The following CPO variants were observed in gnomAD, a reference collection of about 807,000 sequenced individuals.
CPO encodes carboxypeptidase O, also known as metallocarboxypeptidase C.
In CPO, 43 loss-of-function variants were observed where a neutral mutation model predicts 41.2. The observed-to-expected ratio is 1.04, with a 90% CI of 0.82 to 1.35. The LOEUF (loss-of-function observed/expected upper bound fraction) is 1.35, where lower values mean the gene tolerates loss of function less well. Among genes scored for constraint, CPO ranks in the 40% most tolerant of loss-of-function variants. CPO has a pLI of 0.00. For synonymous variants in CPO, 178 were observed against 162.7 expected (o/e 1.09, Z -0.72); for missense variants, 408 against 451.7 (o/e 0.90, Z 0.88).
At chr2:206,956,895 T>C (rs575762128) in intron 3 of CPO, among the ~76,000 whole-genome samples, 2 of 152,338 alleles carry the variant, frequency 1.3e-5, no homozygotes. Flanking sequence ...GTATTAAGCA[T>C]GGGCCACCTG....
At chr2:206,961,088 C>T in intron 6 of CPO, 146 bp downstream of exon 6, 2 of 643,476 alleles carry the variant, frequency 3.1e-6, no homozygotes, top group Admixed American at 5.1e-5. Context: ...TTCCCTCTAA[C>T]AGGATAATAT....
chr2:206,945,623 G>A (rs1297118647), intron 1 of CPO, among the ~76,000 whole-genome samples: 1 of 152,136 alleles, frequency 6.6e-6, no homozygotes, highest in African/African-American at 2.4e-5. Context: ...GTTGTAGTGA[G>A]AATAAAATTA....
At position 206,962,534 on chromosome 2, in the gene CPO, C is replaced by T. The variant is rs1693500540; in HGVS notation, c.697C>T (p.Leu233=). ...ESKKDDILCF[L]TMHSYGQLIL... ...CAAGAAGGATGATATTTTGTGCTTC[C>T]TGACCATGCACTCTTATGGGCAGTT... The change falls in exon 7 of 9, where the codon CTG becomes TTG. Residue 233 remains leucine (L), a synonymous_variant. Coordinates refer to ENST00000272852, the MANE Select transcript of CPO (RefSeq NM_173077.3). 1 of 1,614,056 alleles carries T rather than the reference C, an allele frequency of 6.2e-7. No individual in the cohort carries two copies. Among genetic ancestry groups the T allele is most frequent in the African/African-American group, 1.3e-5 (1 of 74,924 alleles).
chr2:206,967,348 T>TAG (rs1553512794), intron 7 of CPO, among the ~76,000 whole-genome samples: 5 of 110,242 alleles, frequency 4.5e-5, no homozygotes, highest in African/African-American at 1.6e-4. Context: ...TATATATATA[T>TAG]ATAGATATAT....
At chr2:206,953,351 C>T (rs749855240) in intron 2 of CPO, among the ~76,000 whole-genome samples, 1 of 152,224 alleles carries the variant, frequency 6.6e-6, no homozygotes, top group African/African-American at 2.4e-5. Context: ...GGTAAATACA[C>T]CCATTCCAAA....
chr2:206,961,919 CA>C, intron 6 of CPO, among the ~76,000 whole-genome samples: 1 of 151,068 alleles, frequency 6.6e-6, no homozygotes, highest in Non-Finnish European at 1.5e-5. Context: ...AGTGAAACCC[CA>C]TCTCTACTAA....
chr2:206,949,692 C>T lies in CPO; in HGVS notation c.144C>T (p.Asn48=), dbSNP rs1378469832. ...GGAGCCTGGAGACGTATTCCTATAA[C>T]ATATACCACCCCATGGGAGAGGTAA... ...SPWSLETYSY[N]IYHPMGEIYE... Residue 48 remains asparagine, a synonymous_variant, in exon 2 of 9, where the codon AAC becomes AAT. Coordinates refer to ENST00000272852, the MANE Select transcript of CPO (RefSeq NM_173077.3). 1.2e-5 allele frequency: 19 copies of T among 1,611,282 alleles called. No individual in the cohort carries two copies. Among genetic ancestry groups the T allele is most frequent in the Non-Finnish European group, 1.6e-5 (19 of 1,177,590 alleles).
intron 4 of CPO, 96 bp from the exon 5 acceptor site, chr2:206,959,535 G>A: frequency 1.5e-6 from 1 of 665,394 alleles, no homozygotes; most frequent in South Asian, 1.8e-5. Context: ...GAGGTGTGAT[G>A]TACAGTCACC....
rs150823152 is a variant in CPO at position 206,955,501 on chromosome 2, G to T, written c.204G>T (p.Lys68Asn). 6.2e-7 allele frequency: 1 copy of T among 1,611,732 alleles called. No individual in the cohort carries two copies. Among genetic ancestry groups the T allele is most frequent in the Non-Finnish European group, 8.5e-7 (1 of 1,177,782 alleles). The change falls in exon 3 of 9, where the codon AAG becomes AAT. Residue 68 changes from lysine to asparagine, a missense_variant. Transcript: ENST00000272852. Reference sequence around the variant, plus strand: ...TGAGAGAGATCAGTGAGAAGTACAAGGAAGTGGTGACACAGCATTTCCTAG... The same window carrying T: ...TGAGAGAGATCAGTGAGAAGTACAATGAAGTGGTGACACAGCATTTCCTAG... ...EWMREISEKYKEVVTQHFLGV... is the reference protein window; with the variant it reads ...EWMREISEKYNEVVTQHFLGV...
At chr2:206,946,862 G>C (rs370248376) in intron 1 of CPO, among the ~76,000 whole-genome samples, 1 of 151,982 alleles carries the variant, frequency 6.6e-6, no homozygotes, top group Non-Finnish European at 1.5e-5. Context: ...ATTTACATTA[G>C]CACCCCTCAA....
chr2:206,955,368 G>C, intron 2 of CPO, 95 bp from the exon 3 acceptor site: 2 of 789,192 alleles, frequency 2.5e-6, no homozygotes, highest in Non-Finnish European at 4.6e-6. Flanking sequence ...AAAGATAACA[G>C]AGTTCAATGT....
rs35875442 is a variant in CPO, at chr2:206,961,498, G to A, written c.574+556G>A. On this transcript the variant is annotated intron_variant, in intron 6 of 8. Coordinates refer to ENST00000272852, the MANE Select transcript of CPO (RefSeq NM_173077.3). ...TCTCTCTGCTTTAGTTTTCTTTTAC[G>A]TAAAATGTGAGCCACAGTAGCCCTA... 2.9e-3 allele frequency among the ~76,000 whole-genome samples: 436 copies of A among 152,196 alleles called. 1 individual carries two copies. Among genetic ancestry groups the A allele is most frequent in the Non-Finnish European group, 5.2e-3 (352 of 68,010 alleles).
chr2:206,966,394 A>G (rs1012364517), intron 7 of CPO, among the ~76,000 whole-genome samples: 1 of 152,178 alleles, frequency 6.6e-6, no homozygotes, highest in Admixed American at 6.5e-5. Flanking sequence ...AGCAATTCGT[A>G]TCTCTGCTAG....
intron 4 of CPO, among the ~76,000 whole-genome samples, chr2:206,958,998 C>G (rs1693428954): frequency 6.6e-6 from 1 of 151,948 alleles, no homozygotes; most frequent in Non-Finnish European, 1.5e-5. Flanking sequence ...ACCTCGGTCT[C>G]CCAAAGTGCT....
chr2:206,949,962 A>G (rs1214136104), intron 2 of CPO, among the ~76,000 whole-genome samples: 1 of 152,192 alleles, frequency 6.6e-6, no homozygotes, highest in Non-Finnish European at 1.5e-5. Context: ...GAACATCCCA[A>G]CGAGCCAGTT....
At chr2:206,941,300 A>G (rs1267020598) in intron 1 of CPO, among the ~76,000 whole-genome samples, 2 of 152,096 alleles carry the variant, frequency 1.3e-5, no homozygotes, top group Non-Finnish European at 2.9e-5. Flanking sequence ...TGCAATAGAA[A>G]AATAAGTATA....
At chr2:206,953,243 A>G (rs2105823486) in intron 2 of CPO, among the ~76,000 whole-genome samples, 1 of 152,348 alleles carries the variant, frequency 6.6e-6, no homozygotes, top group East Asian at 1.9e-4. Flanking sequence ...CACAGTTGAA[A>G]GTCTCATCTG....
chr2:206,939,914 ACATGT>A (rs1692998021), intron 1 of CPO, among the ~76,000 whole-genome samples: 1 of 152,116 alleles, frequency 6.6e-6, no homozygotes, highest in African/African-American at 2.4e-5. Context: ...ATACAAATAG[ACATGT>A]CATGTTTTGT....
intron 1 of CPO, among the ~76,000 whole-genome samples, chr2:206,949,106 T>C (rs1379600828): frequency 6.6e-6 from 1 of 152,008 alleles, no homozygotes; most frequent in African/African-American, 2.4e-5. Flanking sequence ...CTCACCATTA[T>C]ATGCAGTACA....
Sources: allele counts gnomAD v4.1 joint callset (sites outside exome capture counted in the v4.1 genomes callset), GRCh38; gene constraint gnomAD v4.1.1; transcripts MANE v1.5; gene names NCBI Gene and HGNC (gene_info 2026-07-23, HGNC 2026-07-21).